Variants in TLN2 observed in about 807,000 individuals in gnomAD.
TLN2 encodes the protein talin-2.
A neutral mutation model predicts 294.7 loss-of-function variants in TLN2; 118 were observed. The ratio of observed to expected loss-of-function variants is 0.40; its 90% CI spans 0.34 to 0.47. The LOEUF is 0.47. Among genes scored for constraint, TLN2 ranks in the 20% least tolerant of loss-of-function variants. The pLI is 0.84. For missense variants in TLN2, 3,083 were observed against 3,282.2 expected (o/e 0.94, Z 1.48); for synonymous variants, 1,431 against 1,304.5 (o/e 1.10, Z -2.09).
At chr15:62,688,652 T>C (rs185114696) in intron 12 of TLN2, among the ~76,000 whole-genome samples, 1 of 152,272 alleles carries the variant, frequency 6.6e-6, no homozygotes, top group East Asian at 1.9e-4. Context: ...CTTTCAGCTC[T>C]CAGTTTTTGT....
chr15:62,536,670 G>T (rs1374894484), intron 1 of TLN2, among the ~76,000 whole-genome samples: 1 of 152,190 alleles, frequency 6.6e-6, no homozygotes, highest in Non-Finnish European at 1.5e-5. Flanking sequence ...TGGGCATGAA[G>T]GAAGAGATGG....
intron 1 of TLN2, among the ~76,000 whole-genome samples, chr15:62,581,081 A>T (rs1049029074): frequency 1.7e-4 from 26 of 151,910 alleles, no homozygotes; most frequent in Admixed American, 1.0e-3. Flanking sequence ...ATGGGGTTTC[A>T]CCATGTTGGC....
At chr15:62,412,531 T>C (rs1471848051) in intron 1 of TLN2, among the ~76,000 whole-genome samples, 3 of 152,194 alleles carry the variant, frequency 2.0e-5, no homozygotes, top group Non-Finnish European at 4.4e-5. Context: ...ACCACCCAAA[T>C]GTGTCACAAT....
intron 10 of TLN2, among the ~76,000 whole-genome samples, chr15:62,674,716 G>C (rs1313605190): frequency 6.6e-6 from 1 of 151,954 alleles, no homozygotes; most frequent in Non-Finnish European, 1.5e-5. Context: ...TGGCCAGGCT[G>C]GTCTCAAACT....
chr15:62,775,224 A>G (rs748458356), intron 42 of TLN2, among the ~76,000 whole-genome samples: 3 of 146,324 alleles, frequency 2.1e-5, no homozygotes, highest in Non-Finnish European at 4.6e-5. Flanking sequence ...AATTGCTGGC[A>G]TTTTTGTGTC....
At chr15:62,765,264 G>A (rs189682234) in intron 40 of TLN2, among the ~76,000 whole-genome samples, 16 of 151,368 alleles carry the variant, frequency 1.1e-4, no homozygotes, top group South Asian at 2.1e-4. Flanking sequence ...ACCCTTGGCC[G>A]TCTTGGAAGT....
chr15:62,578,439 T>C (rs1375759429), intron 1 of TLN2, among the ~76,000 whole-genome samples: 1 of 151,940 alleles, frequency 6.6e-6, no homozygotes, highest in Non-Finnish European at 1.5e-5. Context: ...TGGTGGTGCA[T>C]GACTGTAATC....
intron 28 of TLN2, among the ~76,000 whole-genome samples, chr15:62,736,641 G>A (rs2061031398): frequency 6.6e-6 from 1 of 152,212 alleles, no homozygotes; most frequent in Non-Finnish European, 1.5e-5. Flanking sequence ...GGAAGTCAGG[G>A]GGAAGAAGTC....
chr15:62,526,260 G>A (rs2040734814), intron 1 of TLN2, among the ~76,000 whole-genome samples: 1 of 152,158 alleles, frequency 6.6e-6, no homozygotes, highest in African/African-American at 2.4e-5. Flanking sequence ...CTCCTGAGTA[G>A]CTGGGATTAT....
intron 1 of TLN2, among the ~76,000 whole-genome samples, chr15:62,449,525 C>G (rs892001860): frequency 2.0e-5 from 3 of 152,108 alleles, no homozygotes; most frequent in Non-Finnish European, 2.9e-5. Flanking sequence ...GTGCCAAATT[C>G]TCCTTTAAAA....
intron 1 of TLN2, among the ~76,000 whole-genome samples, chr15:62,422,200 CAA>C (rs2034444211): frequency 1.2e-5 from 1 of 85,328 alleles, no homozygotes; most frequent in Non-Finnish European, 2.1e-5. Context: ...GCCTGGGCAA[CAA>C]GAGCAAAACT....
chr15:62,745,212 A>G (rs557804781), intron 32 of TLN2, among the ~76,000 whole-genome samples: 1 of 152,172 alleles, frequency 6.6e-6, no homozygotes, highest in Non-Finnish European at 1.5e-5. Flanking sequence ...TTAGAAACTG[A>G]GAGTAGATAG....
chr15:62,788,663 T>C (rs2064869401), intron 45 of TLN2, among the ~76,000 whole-genome samples: 1 of 152,212 alleles, frequency 6.6e-6, no homozygotes. Flanking sequence ...TAAATAACTT[T>C]TTGGAATAAG....
At chr15:62,412,734 A>T (rs2033844426) in intron 1 of TLN2, among the ~76,000 whole-genome samples, 1 of 152,194 alleles carries the variant, frequency 6.6e-6, no homozygotes, top group Admixed American at 6.5e-5. Flanking sequence ...AGTTTTTCTA[A>T]TGCTCCCCTA....
At chr15:62,564,925 A>AAAAAT (rs759679956) in intron 1 of TLN2, among the ~76,000 whole-genome samples, 5 of 80,630 alleles carry the variant, frequency 6.2e-5, no homozygotes, top group African/African-American at 1.9e-4. Flanking sequence ...AAAAAAAAAA[A>AAAAAT]ATATATATAT....
chr15:62,667,931 T>C (rs181263856), intron 9 of TLN2, among the ~76,000 whole-genome samples: 15 of 152,366 alleles, frequency 9.8e-5, no homozygotes, highest in African/African-American at 3.6e-4. Context: ...TATTATGTCC[T>C]CTGAGTGAAA....
chr15:62,560,902 G>A (rs994250606), intron 1 of TLN2, among the ~76,000 whole-genome samples: 6 of 152,250 alleles, frequency 3.9e-5, no homozygotes, highest in African/African-American at 1.4e-4. Flanking sequence ...AGGAGGCAAC[G>A]AGGGTGCTGC....
At chr15:62,549,303 TTTA>T (rs1431858845) in intron 1 of TLN2, among the ~76,000 whole-genome samples, 1 of 151,850 alleles carries the variant, frequency 6.6e-6, no homozygotes, top group East Asian at 1.9e-4. Context: ...CTGAAGTTTA[TTTA>T]TTATTATTTT....
chr15:62,705,685 G>A (rs1299683757), intron 19 of TLN2, among the ~76,000 whole-genome samples: 1 of 152,188 alleles, frequency 6.6e-6, no homozygotes, highest in Non-Finnish European at 1.5e-5. Flanking sequence ...TTAATAATTT[G>A]TGACATTCAA....
Sources: gnomAD v4.1 joint callset for allele counts (sites outside exome capture counted in the v4.1 genomes callset) on GRCh38, gnomAD v4.1.1 for gene constraint, MANE v1.5 for transcripts, NCBI Gene and HGNC (gene_info 2026-07-23, HGNC 2026-07-21) for gene names.